The following SVOP variants were observed in gnomAD, a reference collection of about 807,000 sequenced individuals.
SVOP encodes the protein SV2 related protein.
SVOP carries 17 observed loss-of-function variants against 69.1 expected under a neutral mutation model. That is an observed-to-expected ratio of 0.25 (90% CI 0.17 to 0.37). The LOEUF (loss-of-function observed/expected upper bound fraction) is 0.37, where lower values mean the gene tolerates loss of function less well. Among genes scored for constraint, SVOP ranks in the 10% least tolerant of loss-of-function variants. The pLI is 1.00. For synonymous variants in SVOP, 238 were observed against 238.6 expected (o/e 1.00, Z 0.02); for missense variants, 435 against 597.5 (o/e 0.73, Z 2.84).
At chr12:109,005,615 G>T (rs1220213055) in intron 1 of SVOP, among the ~76,000 whole-genome samples, 1 of 152,150 alleles carries the variant, frequency 6.6e-6, no homozygotes, top group Non-Finnish European at 1.5e-5. Context: ...AGCAAACAGG[G>T]TGCCAAGTGG....
intron 2 of SVOP, among the ~76,000 whole-genome samples, chr12:108,980,612 C>T (rs1005985801): frequency 0.24 from 29,965 of 122,410 alleles, 4,239 homozygotes; most frequent in African/African-American, 0.33. Flanking sequence ...TAGCTGGGCG[C>T]GGTGGCGGGC....
chr12:109,012,810 T>G (rs2040349527), intron 1 of SVOP, among the ~76,000 whole-genome samples: 1 of 152,150 alleles, frequency 6.6e-6, no homozygotes, highest in African/African-American at 2.4e-5. Flanking sequence ...GTGCCTGTAG[T>G]CTCAGCTACT....
chr12:108,919,595 T>G, intron 13 of SVOP, 80 bp downstream of exon 13: 12 of 1,110,676 alleles, frequency 1.1e-5, no homozygotes, highest in Non-Finnish European at 1.5e-5. Flanking sequence ...GGCCCGCACA[T>G]CTACCTGGGC....
chr12:108,910,543 G>A lies in SVOP; in HGVS notation c.*1992C>T, dbSNP rs1228976008. The A allele has an allele frequency of 6.6e-6, 1 of 152,236 alleles. No homozygotes were observed. The highest frequency in any genetic ancestry group is 6.5e-5 in the Admixed American group (1 of 15,288). 9.4% of individuals were successfully genotyped at this position (152,236 alleles called of 1,614,324 possible). On this transcript the variant is annotated 3_prime_UTR_variant, in exon 16 of 16. Transcript: ENST00000610966. ...ACACGTGGTTCAAGGAAATGTGGTT[G>A]TCAGAGAGAGACAGAGATCTGCCAA...
chr12:108,999,958 A>G (rs1015525974), intron 1 of SVOP, among the ~76,000 whole-genome samples: 9 of 151,568 alleles, frequency 5.9e-5, no homozygotes, highest in Non-Finnish European at 1.2e-4. Context: ...GAAATAACTA[A>G]AATCAGAGCA....
chr12:108,920,690 T>C (rs938975389), intron 12 of SVOP, among the ~76,000 whole-genome samples: 49 of 150,098 alleles, frequency 3.3e-4, no homozygotes, highest in African/African-American at 1.2e-3. Context: ...CTCCGCCTCC[T>C]GGGTTCAAGC....
chr12:108,954,051 G>T lies in SVOP; in HGVS notation c.578+6872C>A, dbSNP rs533272629. Among the ~76,000 whole-genome samples, 5 of 147,434 alleles carry T rather than the reference G, an allele frequency of 3.4e-5. No individual in the cohort carries two copies. In the South Asian group the frequency reaches 1.1e-3, roughly 32 times the overall value. On this transcript the variant is annotated intron_variant, in intron 6 of 15. Coordinates refer to ENST00000610966, the MANE Select transcript of SVOP (RefSeq NM_018711.5). Reference sequence around the variant, plus strand: ...CGCTTGAACCCAGGAGGTGGAGGTTGCAGTGAGCCGAGATATCACACCACT... The same window carrying T: ...CGCTTGAACCCAGGAGGTGGAGGTTTCAGTGAGCCGAGATATCACACCACT...
At chr12:108,969,693 CTTT>C (rs993765915) in intron 5 of SVOP, among the ~76,000 whole-genome samples, 5 of 151,848 alleles carry the variant, frequency 3.3e-5, no homozygotes, top group African/African-American at 1.2e-4. Flanking sequence ...CTCCCTTCTT[CTTT>C]ACTTCCCTCC....
rs192104841 is a variant in SVOP, at chr12:108,972,703, T to G, written c.382-227A>C. On this transcript the variant is annotated intron_variant, in intron 4 of 15. Coordinates refer to ENST00000610966, the MANE Select transcript of SVOP (RefSeq NM_018711.5). ...ATTTTACAGATGAGGGAACTGAGAC[T>G]CAGAGAGAGAGGCAATTGCAGGACC... Among the ~76,000 whole-genome samples the G allele has an allele frequency of 2.2e-3, 333 of 152,296 alleles. 1 individual carries two copies. The highest frequency in any genetic ancestry group is 4.0e-3 in the Non-Finnish European group (269 of 68,026).
chr12:108,951,749 A>C (rs1481807696), intron 6 of SVOP, among the ~76,000 whole-genome samples: 3 of 152,374 alleles, frequency 2.0e-5, no homozygotes, highest in East Asian at 3.9e-4. Flanking sequence ...GTTGTTCAAC[A>C]TGGTAAGGGC....
chr12:108,943,028 G>C (rs2039901738), intron 7 of SVOP, among the ~76,000 whole-genome samples: 1 of 151,890 alleles, frequency 6.6e-6, no homozygotes, highest in South Asian at 2.1e-4. Flanking sequence ...CAAAGTGCTG[G>C]GATTATAGGT....
At chr12:108,912,867 T>G (rs2039693185) in intron 15 of SVOP, 126 bp from the exon 16 acceptor site, 1 of 955,132 alleles carries the variant, frequency 1.0e-6, no homozygotes, top group East Asian at 2.7e-5. Flanking sequence ...GATCTGGTGA[T>G]TCCCTCCTCT....
intron 12 of SVOP, among the ~76,000 whole-genome samples, chr12:108,920,595 T>C (rs2039742467): frequency 2.2e-5 from 1 of 44,724 alleles, no homozygotes; most frequent in Non-Finnish European, 4.5e-5. Flanking sequence ...TTTTTACATC[T>C]TTTTTTTTTT....
intron 1 of SVOP, among the ~76,000 whole-genome samples, chr12:109,001,795 T>A (rs2135621849): frequency 6.6e-6 from 1 of 151,916 alleles, no homozygotes; most frequent in Admixed American, 6.6e-5. Context: ...TTACACCTTA[T>A]ACAAAAATCA....
At chr12:108,943,012 GC>G (rs2039901641) in intron 7 of SVOP, among the ~76,000 whole-genome samples, 1 of 151,934 alleles carries the variant, frequency 6.6e-6, no homozygotes, top group Admixed American at 6.6e-5. Context: ...GCCCACCTTG[GC>G]CTCTCAAAGT....
intron 1 of SVOP, among the ~76,000 whole-genome samples, chr12:108,985,357 A>T (rs1200313971): frequency 1.4e-5 from 2 of 146,656 alleles, no homozygotes; most frequent in African/African-American, 5.0e-5. Flanking sequence ...AAGAAAAAAT[A>T]AAAGGAAAAG....
chr12:108,930,726 G>A (rs1234810538), intron 11 of SVOP, among the ~76,000 whole-genome samples: 1 of 152,144 alleles, frequency 6.6e-6, no homozygotes, highest in South Asian at 2.1e-4. Context: ...GAGCCACTAC[G>A]CCTGGTGAGT....
At chr12:108,948,981 A>G (rs1197645570) in intron 6 of SVOP, among the ~76,000 whole-genome samples, 4 of 152,214 alleles carry the variant, frequency 2.6e-5, no homozygotes, top group African/African-American at 9.6e-5. Context: ...AAGTCAAACT[A>G]CTAATCATGC....
intron 6 of SVOP, among the ~76,000 whole-genome samples, chr12:108,946,181 C>A (rs2039921798): frequency 6.6e-6 from 1 of 152,142 alleles, no homozygotes; most frequent in Admixed American, 6.5e-5. Flanking sequence ...CAGCTTCAAC[C>A]TTCCAGGCTC....
Sources: allele counts gnomAD v4.1 joint callset (sites outside exome capture counted in the v4.1 genomes callset), GRCh38; gene constraint gnomAD v4.1.1; transcripts MANE v1.5; gene names NCBI Gene and HGNC (gene_info 2026-07-23, HGNC 2026-07-21).